Variants in RGS17 observed in about 807,000 individuals in gnomAD.
RGS17 encodes the protein regulator of G protein signaling 17.
In RGS17, 12 loss-of-function variants were observed where a neutral mutation model predicts 25.5. The observed-to-expected ratio is 0.47, with a 90% CI of 0.30 to 0.76. The LOEUF is 0.76. RGS17 is among the 30% of genes least tolerant of loss of function. RGS17 has a pLI of 0.07. For missense variants in RGS17, 196 were observed against 242.2 expected (o/e 0.81, Z 1.27); for synonymous variants, 71 against 76.9 (o/e 0.92, Z 0.40).
chr6:153,057,657 C>A (rs890534245), intron 1 of RGS17, among the ~76,000 whole-genome samples: 7 of 152,126 alleles, frequency 4.6e-5, no homozygotes, highest in Non-Finnish European at 1.0e-4. Context: ...CTCTTTATTT[C>A]TATTATTATT....
At chr6:153,061,521 T>C (rs775093303) in intron 1 of RGS17, among the ~76,000 whole-genome samples, 1 of 151,956 alleles carries the variant, frequency 6.6e-6, no homozygotes, top group African/African-American at 2.4e-5. Flanking sequence ...TGTGAAAAAA[T>C]ATGCAAAACA....
chr6:153,080,066 C>G (rs191527009), intron 1 of RGS17, among the ~76,000 whole-genome samples: 1 of 152,190 alleles, frequency 6.6e-6, no homozygotes, highest in Non-Finnish European at 1.5e-5. Context: ...ACTGCAACCT[C>G]CGCCTTCTGG....
Position 153,054,027 on chromosome 6 carries a change from A to ATTT in RGS17, c.-25-9985_-25-9984insAAA, listed in dbSNP as rs1186121167. 6.3e-4 allele frequency among the ~76,000 whole-genome samples: 41 copies of ATTT among 64,822 alleles called. 4 individuals are homozygous for ATTT. Among genetic ancestry groups the ATTT allele is most frequent in the African/African-American group, 1.2e-3 (20 of 16,522 alleles). The allele number at this position is 64,822 out of a possible 152,430, so 42.5% of individuals were successfully genotyped here. The stretch of plus-strand genomic sequence containing the variant: ...ATATATACGTATATATGTATATAAT[A>ATTT]TATATACATATATATGTATATATGT... On this transcript the variant is annotated intron_variant, in intron 1 of 4. Coordinates refer to ENST00000206262, the MANE Select transcript of RGS17 (RefSeq NM_012419.5).
chr6:153,026,266 A>G (rs1396067244), intron 3 of RGS17, among the ~76,000 whole-genome samples, 188 bp downstream of exon 3: 2 of 152,234 alleles, frequency 1.3e-5, no homozygotes, highest in African/African-American at 4.8e-5. Context: ...ATAACTTAAC[A>G]TAGCTAATAG....
At chr6:153,054,048 T>TAC (rs1776512236) in intron 1 of RGS17, among the ~76,000 whole-genome samples, 1 of 76,534 alleles carries the variant, frequency 1.3e-5, no homozygotes, top group Admixed American at 1.7e-4. Context: ...TATATGTATA[T>TAC]ATGTATATAA....
At chr6:153,082,399 T>C (rs941434109) in intron 1 of RGS17, among the ~76,000 whole-genome samples, 1 of 152,164 alleles carries the variant, frequency 6.6e-6, no homozygotes, top group African/African-American at 2.4e-5. Flanking sequence ...AGTATTTTTT[T>C]TCCTCTCTGT....
chr6:153,021,903 A>G (rs942776676), intron 4 of RGS17, among the ~76,000 whole-genome samples: 21 of 152,136 alleles, frequency 1.4e-4, no homozygotes, highest in African/African-American at 4.3e-4. Flanking sequence ...CTTGTGTTCA[A>G]AAGAAAGAAA....
At chr6:153,020,105 A>AT (rs1469690646) in intron 4 of RGS17, among the ~76,000 whole-genome samples, 46 of 23,368 alleles carry the variant, frequency 2.0e-3, no homozygotes, top group Admixed American at 7.7e-3. Flanking sequence ...TATCTTAAAA[A>AT]AAAAAAATAT....
At chr6:153,020,100 T>TTAAAAAAA (rs1333650446) in intron 4 of RGS17, among the ~76,000 whole-genome samples, 1 of 45,020 alleles carries the variant, frequency 2.2e-5, no homozygotes, top group Non-Finnish European at 3.8e-5. Flanking sequence ...GCAAATATCT[T>TTAAAAAAA]AAAAAAAAAA....
chr6:153,011,156 T>G lies in RGS17; in HGVS notation c.*418A>C, dbSNP rs563143027. On this transcript the variant is annotated 3_prime_UTR_variant, in exon 5 of 5. Transcript: ENST00000206262. ...AAATGCAAACCATGGCCGATTTTTT[T>G]GGCAATTATTTCTTAAGACCATATT... 6.4e-6 allele frequency: 1 copy of G among 157,134 alleles called. No individual in the cohort carries two copies. Among genetic ancestry groups the G allele is most frequent in the East Asian group, 1.9e-4 (1 of 5,248 alleles). 9.7% of individuals were successfully genotyped at this position (157,134 alleles called of 1,614,324 possible). A position where few individuals can be genotyped will look rare whatever the true frequency, so the allele number is the denominator to read the frequency against.
intron 1 of RGS17, among the ~76,000 whole-genome samples, chr6:153,120,047 A>G (rs1777603778): frequency 6.6e-6 from 1 of 152,170 alleles, no homozygotes; most frequent in Non-Finnish European, 1.5e-5. Context: ...TTCACCACCT[A>G]TATTCTTGAC....
At chr6:153,129,313 A>AG (rs747430748) in intron 1 of RGS17, among the ~76,000 whole-genome samples, 3 of 152,202 alleles carry the variant, frequency 2.0e-5, no homozygotes, top group Non-Finnish European at 4.4e-5. Flanking sequence ...TAACAACTGG[A>AG]GGAGGTCAAA....
At chr6:153,028,077 T>C (rs1779322185) in intron 2 of RGS17, among the ~76,000 whole-genome samples, 1 of 152,170 alleles carries the variant, frequency 6.6e-6, no homozygotes, top group Admixed American at 6.5e-5. Flanking sequence ...AAAACTGACC[T>C]GAGAGAGCAG....
Position 153,111,408 on chromosome 6 carries a change from A to G in RGS17, c.-26+19716T>C, listed in dbSNP as rs537333905. On this transcript the variant is annotated intron_variant, in intron 1 of 4. Transcript: ENST00000206262. ...CTCTCTAGATTCCTCCACTCTGGGC[A>G]GGGCATCTCTGAAAGAAAGGCAGCA... Among the ~76,000 whole-genome samples the G allele has an allele frequency of 2.0e-5, 3 of 152,306 alleles. No homozygotes were observed. The South Asian group carries it at 6.2e-4, about 32-fold the overall frequency.
At chr6:153,089,143 T>C (rs934252453) in intron 1 of RGS17, among the ~76,000 whole-genome samples, 2 of 151,954 alleles carry the variant, frequency 1.3e-5, no homozygotes, top group Admixed American at 1.3e-4. Context: ...CTGATCACAA[T>C]GGTACACTTT....
intron 1 of RGS17, among the ~76,000 whole-genome samples, chr6:153,125,169 T>C (rs1584169727): frequency 1.3e-5 from 2 of 152,192 alleles, no homozygotes; most frequent in African/African-American, 4.8e-5. Flanking sequence ...AACCTGTGTA[T>C]TTCAACAGCC....
intron 2 of RGS17, among the ~76,000 whole-genome samples, chr6:153,041,735 G>A (rs1385835948): frequency 2.0e-5 from 3 of 152,214 alleles, no homozygotes; most frequent in Middle Eastern, 3.4e-3. Context: ...ACAATATATT[G>A]GTGATGTTTT....
At chr6:153,017,973 C>T (rs1779201140) in intron 4 of RGS17, among the ~76,000 whole-genome samples, 1 of 152,158 alleles carries the variant, frequency 6.6e-6, no homozygotes, top group South Asian at 2.1e-4. Flanking sequence ...TATCAATTTT[C>T]ATTTTTACTT....
intron 1 of RGS17, among the ~76,000 whole-genome samples, chr6:153,057,982 CCAATA>C (rs1383855026): frequency 6.6e-6 from 1 of 152,186 alleles, no homozygotes; most frequent in Non-Finnish European, 1.5e-5. Flanking sequence ...AGGCCACAGA[CCAATA>C]CCTGTCCATG....
Sources: allele counts gnomAD v4.1 joint callset (sites outside exome capture counted in the v4.1 genomes callset), GRCh38; gene constraint gnomAD v4.1.1; transcripts MANE v1.5; gene names NCBI Gene and HGNC (gene_info 2026-07-23, HGNC 2026-07-21).